RTCB: variants seen among roughly 807,000 people sequenced by gnomAD.
RTCB encodes the protein RNA-splicing ligase RTCB.
In RTCB, 32 loss-of-function variants were observed where a neutral mutation model predicts 58.2. That is an observed-to-expected ratio of 0.55 (90% CI 0.41 to 0.74). The LOEUF (loss-of-function observed/expected upper bound fraction) is 0.74, where lower values mean the gene tolerates loss of function less well. Ranked by LOEUF, RTCB falls within the 30% of genes least tolerant of loss-of-function variation. RTCB has a pLI of 0.00. For missense variants in RTCB, 523 were observed against 639.0 expected (o/e 0.82, Z 1.96); for synonymous variants, 247 against 218.6 (o/e 1.13, Z -1.15).
rs762408546 is a variant in RTCB at position 32,408,814 on chromosome 22, A to G, written c.113T>C (p.Val38Ala). 1.9e-6 allele frequency: 3 copies of G among 1,613,780 alleles called. No homozygotes were observed. Among genetic ancestry groups the G allele is most frequent in the Middle Eastern group, 3.3e-4 (2 of 6,062 alleles). ...CATCAATTTCTCCAGAGCATCATTC[A>G]CATAGAAAACACCTTCAACCTAGTA... is the stretch of plus-strand genomic sequence containing the variant. ...PNMQVEGVFY[V>A]NDALEKLMFE... The change falls in exon 2 of 12, where the codon GTG becomes GCG. Residue 38 changes from valine to alanine, a missense_variant. By Grantham distance (64) the Val-to-Ala change is moderately conservative. Coordinates refer to ENST00000216038, the MANE Select transcript of RTCB (RefSeq NM_014306.5).
chr22:32,411,984 G>C (rs1933534194), intron 1 of RTCB, 80 bp downstream of exon 1: 1 of 1,030,504 alleles, frequency 9.7e-7, no homozygotes, highest in Non-Finnish European at 1.4e-6. Flanking sequence ...GTGGTCAGGG[G>C]AGGTCCAGAG....
At chr22:32,395,302 T>C in intron 8 of RTCB, 88 bp from the exon 9 acceptor site, 1 of 1,171,360 alleles carries the variant, frequency 8.5e-7, no homozygotes, top group South Asian at 1.4e-5. Context: ...TTTCAGGTAG[T>C]CTGTTCTGAA....
At chr22:32,391,401 T>TA (rs1256741873) in intron 11 of RTCB, among the ~76,000 whole-genome samples, 1 of 151,676 alleles carries the variant, frequency 6.6e-6, no homozygotes, top group East Asian at 1.9e-4. Flanking sequence ...GTAAATTTTT[T>TA]TTTTTTTTTT....
chr22:32,401,660 TC>T (rs1933337951), intron 5 of RTCB, 86 bp downstream of exon 5: 1 of 1,400,616 alleles, frequency 7.1e-7, no homozygotes, highest in African/African-American at 1.4e-5. Flanking sequence ...AATCCTCATC[TC>T]TCAAGTGTAC....
intron 1 of RTCB, among the ~76,000 whole-genome samples, chr22:32,411,102 C>T (rs1261137491): frequency 6.6e-6 from 1 of 152,152 alleles, no homozygotes; most frequent in East Asian, 1.9e-4. Flanking sequence ...TATCCCCGTG[C>T]GCTTTTTCTT....
chr22:32,389,853 A>G (rs59895149), intron 11 of RTCB, among the ~76,000 whole-genome samples: 1 of 152,160 alleles, frequency 6.6e-6, no homozygotes, highest in African/African-American at 2.4e-5. Flanking sequence ...TTTTAATCAG[A>G]GTAAAAGCAA....
intron 1 of RTCB, among the ~76,000 whole-genome samples, chr22:32,410,220 A>G (rs1159681867): frequency 6.6e-6 from 1 of 152,200 alleles, no homozygotes; most frequent in African/African-American, 2.4e-5. Context: ...AAGTGCCTCA[A>G]CAGTCTAGGG....
Position 32,396,262 on chromosome 22 carries a change from C to T in RTCB, c.815-13G>A. 2 of 1,613,142 alleles carry T rather than the reference C, an allele frequency of 1.2e-6. No homozygotes were observed. Among genetic ancestry groups the T allele is most frequent in the Non-Finnish European group, 1.7e-6 (2 of 1,179,428 alleles). ...GCTACCAGCGCATCTGGAACAAGAG[C>T]CACAAAGTCCAAACCAGTTAGCTTT... On this transcript the variant is annotated splice_polypyrimidine_tract_variant and intron_variant, in intron 7 of 11. Transcript: ENST00000216038.
chr22:32,398,209 A>C, intron 6 of RTCB, 109 bp from the exon 7 acceptor site: 1 of 1,253,812 alleles, frequency 8.0e-7, no homozygotes, highest in South Asian at 1.4e-5. Context: ...AAACATACAA[A>C]TAGTGTTTCA....
At chr22:32,404,563 T>C (rs930398309) in intron 4 of RTCB, among the ~76,000 whole-genome samples, 6 of 152,208 alleles carry the variant, frequency 3.9e-5, no homozygotes, top group Admixed American at 1.3e-4. Flanking sequence ...TGCGCCACCA[T>C]ACCCAGCTAT....
intron 3 of RTCB, chr22:32,407,237 G>A (rs1046720322): frequency 2.5e-5 from 4 of 157,328 alleles, no homozygotes; most frequent in Admixed American, 1.2e-4. Flanking sequence ...CCCTGACCCA[G>A]GAAGAATGCA....
At chr22:32,391,825 A>G (rs1252844574) in intron 11 of RTCB, among the ~76,000 whole-genome samples, 5 of 152,228 alleles carry the variant, frequency 3.3e-5, no homozygotes. Flanking sequence ...ATATATGTAA[A>G]CATATATACA....
chr22:32,399,501 C>G (rs1410023994), intron 6 of RTCB, 102 bp downstream of exon 6: 5 of 1,116,786 alleles, frequency 4.5e-6, no homozygotes, highest in Non-Finnish European at 5.1e-6. Context: ...CATAAAAAAA[C>G]CTGGGAATAT....
rs545203344 is a variant in RTCB at position 32,388,621 on chromosome 22, A to C, written c.1411-522T>G. Among the ~76,000 whole-genome samples, 4 of 151,554 alleles carry C rather than the reference A, an allele frequency of 2.6e-5. No individual in the cohort carries two copies. The East Asian group carries it at 5.8e-4, about 22-fold the overall frequency. ...TATGTGGGTATCTATGTGTACCTACACTCACAGACAATTTCTGTGACTTTC... is the reference window on the plus strand; with the variant it reads ...TATGTGGGTATCTATGTGTACCTACCCTCACAGACAATTTCTGTGACTTTC... On this transcript the variant is annotated intron_variant, in intron 11 of 11. Transcript: ENST00000216038.
chr22:32,389,579 C>T (rs1933118023), intron 11 of RTCB, among the ~76,000 whole-genome samples: 1 of 152,040 alleles, frequency 6.6e-6, no homozygotes, highest in Non-Finnish European at 1.5e-5. Context: ...CCCGAAAGTG[C>T]TGGGATTACA....
chr22:32,406,839 C>A, intron 3 of RTCB, 78 bp from the exon 4 acceptor site: 1 of 963,100 alleles, frequency 1.0e-6, no homozygotes, highest in Non-Finnish European at 1.6e-6. Flanking sequence ...GACACTGATT[C>A]TCAAACAGGT....
At chr22:32,410,719 TTTC>T (rs1328997690) in intron 1 of RTCB, among the ~76,000 whole-genome samples, 1 of 106,968 alleles carries the variant, frequency 9.3e-6, no homozygotes, top group African/African-American at 4.1e-5. Flanking sequence ...TTCTTTTTCT[TTTC>T]TTTTTTTTTT....
chr22:32,391,212 G>A (rs56273567), intron 11 of RTCB, among the ~76,000 whole-genome samples: 5,267 of 152,180 alleles, frequency 0.035, 291 homozygotes, highest in African/African-American at 0.12. Context: ...CTACTTAAAT[G>A]TCCACTACAG....
chr22:32,393,204 GTAA>G (rs1186210473), intron 10 of RTCB, among the ~76,000 whole-genome samples: 1 of 152,206 alleles, frequency 6.6e-6, no homozygotes, highest in Admixed American at 6.5e-5. Flanking sequence ...CCAAAGTGCT[GTAA>G]TTACAAGTGT....
Sources: gnomAD v4.1 joint callset for allele counts (sites outside exome capture counted in the v4.1 genomes callset) on GRCh38, gnomAD v4.1.1 for gene constraint, MANE v1.5 for transcripts, NCBI Gene and HGNC (gene_info 2026-07-23, HGNC 2026-07-21) for gene names.